COX20: variants seen among roughly 807,000 people sequenced by gnomAD.
COX20 encodes the protein cytochrome c oxidase assembly protein COX20, mitochondrial.
Under a neutral mutation model 14.3 loss-of-function variants are expected in COX20, and 14 were observed. The observed-to-expected ratio is 0.98, with a 90% CI of 0.65 to 1.53. The LOEUF is 1.53. Ranked by LOEUF, COX20 falls within the 40% of genes most tolerant of loss-of-function variation. The pLI is 0.00. For synonymous variants in COX20, 56 were observed against 51.7 expected (o/e 1.08, Z -0.36); for missense variants, 149 against 142.1 (o/e 1.05, Z -0.25).
chr1:244,835,610 G>A (rs1429289686), upstream of COX20: 1 of 878,340 alleles, frequency 1.1e-6, no homozygotes, highest in Non-Finnish European at 1.5e-6. Flanking sequence ...AACAGGGCGG[G>A]AGGCGGCGGC....
chr1:244,843,662 TTC>T lies in COX20; in HGVS notation c.*491_*492del, dbSNP rs1197794359. The stretch of plus-strand genomic sequence containing the variant: ...TAAATGCATTCATCATTTGACAGTG[TTC>T]TCTCATTTCTTAAAATGCGAGTCAT... On this transcript the variant is annotated 3_prime_UTR_variant, in exon 4 of 4. Coordinates refer to ENST00000411948, the MANE Select transcript of COX20 (RefSeq NM_198076.6). 3.9e-5 allele frequency: 6 copies of T among 152,362 alleles called. No individual in the cohort carries two copies. The highest frequency in any genetic ancestry group is 1.4e-4 in the African/African-American group (6 of 41,470). 9.4% of individuals were successfully genotyped at this position (152,362 alleles called of 1,614,324 possible).
intron 1 of COX20, 31 bp downstream of exon 1, chr1:244,835,787 CGGGTGGGCGGT>C (rs1679956352): frequency 8.1e-7 from 1 of 1,234,258 alleles, no homozygotes; most frequent in South Asian, 3.5e-5. Context: ...GCGCGCGCCG[CGGGTGGGCGGT>C]GGGTAAGGAC....
chr1:244,843,092 C>G lies in COX20; in HGVS notation c.273C>G (p.Ala91=). 1 of 1,593,464 alleles carries G rather than the reference C, an allele frequency of 6.3e-7. No homozygotes were observed. The highest frequency in any genetic ancestry group is 8.5e-7 in the Non-Finnish European group (1 of 1,172,434). The change falls in exon 4 of 4, where the codon GCC becomes GCG. Residue 91 remains alanine (A), a synonymous_variant. Coordinates refer to ENST00000411948, the MANE Select transcript of COX20 (RefSeq NM_198076.6). ...AGCAAAGAATCCAGGAAAGAATTGC[C>G]AGAGAAGAAATTAAAAAGAAGATAT... The part of the protein sequence containing the change: ...YAKQRIQERI[A]REEIKKKILY...
At position 244,843,970 on chromosome 1, in the gene COX20, A is replaced by C. The variant is rs1680320734; in HGVS notation, c.*794A>C. 1 of 152,250 alleles carries C rather than the reference A, an allele frequency of 6.6e-6. No homozygotes were observed. The highest frequency in any genetic ancestry group is 1.5e-5 in the Non-Finnish European group (1 of 68,044). 9.4% of individuals were successfully genotyped at this position (152,250 alleles called of 1,614,324 possible). A position where few individuals can be genotyped will look rare whatever the true frequency, so the allele number is the denominator to read the frequency against. On this transcript the variant is annotated 3_prime_UTR_variant, in exon 4 of 4. Coordinates refer to ENST00000411948, the MANE Select transcript of COX20 (RefSeq NM_198076.6). Reference sequence around the variant, plus strand: ...CGGGAGAAATTATCCCTTTCTAGGAAAATGAAGTTATTTCTGGTTTTAATT... The same window carrying C: ...CGGGAGAAATTATCCCTTTCTAGGACAATGAAGTTATTTCTGGTTTTAATT...
At chr1:244,842,898 A>G (rs1015895063) in intron 3 of COX20, 143 bp from the exon 4 acceptor site, 11 of 606,576 alleles carry the variant, frequency 1.8e-5, no homozygotes, top group South Asian at 2.8e-5. Context: ...CTGCCCAAAA[A>G]TAGCACTATA....
intron 3 of COX20, 22 bp downstream of exon 3, chr1:244,842,280 G>C: frequency 6.6e-7 from 1 of 1,517,034 alleles, no homozygotes; most frequent in Non-Finnish European, 9.2e-7. Context: ...AAGTATTCAA[G>C]AACATCCATG....
At position 244,844,277 on chromosome 1, in the gene COX20, C is replaced by T. The variant is rs1573319717; in HGVS notation, c.*1101C>T. 2 of 152,134 alleles carry T rather than the reference C, an allele frequency of 1.3e-5. No individual in the cohort carries two copies. Among genetic ancestry groups the T allele is most frequent in the African/African-American group, 2.4e-5 (1 of 41,442 alleles). 9.4% of individuals were successfully genotyped at this position (152,134 alleles called of 1,614,324 possible). On this transcript the variant is annotated 3_prime_UTR_variant, in exon 4 of 4. Coordinates refer to ENST00000411948, the MANE Select transcript of COX20 (RefSeq NM_198076.6). Reference sequence around the variant, plus strand: ...CATGCCCACCTTTTCTTGTGGCTGTCGCTAGGAAGGATGCAGAGGCTGTGT... The same window carrying T: ...CATGCCCACCTTTTCTTGTGGCTGTTGCTAGGAAGGATGCAGAGGCTGTGT...
At chr1:244,838,625 G>T (rs1252042604) in intron 1 of COX20, among the ~76,000 whole-genome samples, 1 of 152,188 alleles carries the variant, frequency 6.6e-6, no homozygotes, top group Non-Finnish European at 1.5e-5. Context: ...TCTTTTAGAG[G>T]TCTTGACTGG....
chr1:244,843,762 A>G lies in COX20; in HGVS notation c.*586A>G, dbSNP rs1056893662. ...ATGCAGGGTTTAAATTTTTAAGTAT[A>G]ATTAGTTCTGAATTAAAATATGCAC... On this transcript the variant is annotated 3_prime_UTR_variant, in exon 4 of 4. Coordinates refer to ENST00000411948, the MANE Select transcript of COX20 (RefSeq NM_198076.6). The G allele has an allele frequency of 6.6e-6, 1 of 152,230 alleles. No individual in the cohort carries two copies. The highest frequency in any genetic ancestry group is 1.5e-5 in the Non-Finnish European group (1 of 68,046). 9.4% of individuals were successfully genotyped at this position (152,230 alleles called of 1,614,324 possible). A position where few individuals can be genotyped will look rare whatever the true frequency, so the allele number is the denominator to read the frequency against.
At chr1:244,840,396 C>CTAG (rs1359948694) in intron 1 of COX20, 1 of 152,226 alleles carries the variant, frequency 6.6e-6, no homozygotes, top group African/African-American at 2.4e-5. Flanking sequence ...GGGAAATAGT[C>CTAG]TAGTTTAGAG....
rs1680225527 is a variant in COX20 at position 244,842,070 on chromosome 1, TA to T, written c.157+13del. ...TTTTTTGTTCACTAGTGAGTATCTG[TA>T]TTTTTTATTTCTCTATGTACTAAAA... On this transcript the variant is annotated intron_variant, in intron 2 of 3. Coordinates refer to ENST00000411948, the MANE Select transcript of COX20 (RefSeq NM_198076.6). The T allele has an allele frequency of 1.3e-6, 2 of 1,572,432 alleles. No individual in the cohort carries two copies. The highest frequency in any genetic ancestry group is 1.4e-5 in the African/African-American group (1 of 73,922).
In COX20 at chr1:244,843,605, T is replaced by G. The variant is rs1449215886; in HGVS notation, c.*429T>G. On this transcript the variant is annotated 3_prime_UTR_variant, in exon 4 of 4. Transcript: ENST00000411948. Reference sequence around the variant, plus strand: ...CTAATGTCATTGTAAGATTTAAAACTAAGGGCTTTTATCACTTTGCAAATT... The same window carrying G: ...CTAATGTCATTGTAAGATTTAAAACGAAGGGCTTTTATCACTTTGCAAATT... The G allele has an allele frequency of 6.5e-6, 1 of 153,086 alleles. No individual in the cohort carries two copies. The highest frequency in any genetic ancestry group is 6.5e-5 in the Admixed American group (1 of 15,306). The allele number at this position is 153,086 out of a possible 1,614,324, so 9.5% of individuals were successfully genotyped here. A position where few individuals can be genotyped will look rare whatever the true frequency, so the allele number is the denominator to read the frequency against.
chr1:244,842,138 G>GTA, intron 2 of COX20, 57 bp from the exon 3 acceptor site: 1 of 1,456,952 alleles, frequency 6.9e-7, no homozygotes, highest in Non-Finnish European at 9.6e-7. Context: ...TTTTCTAGGT[G>GTA]GAGTAATGTA....
rs1680245695 is a variant in COX20, at chr1:244,842,443, C to T, written c.221+185C>T. ...GAACAGATAAATGCATATTAGACATCCCATTAAAAAGAAAGCTGTGGTTTT... is the reference window on the plus strand; with the variant it reads ...GAACAGATAAATGCATATTAGACATTCCATTAAAAAGAAAGCTGTGGTTTT... On this transcript the variant is annotated intron_variant, in intron 3 of 3. Coordinates refer to ENST00000411948, the MANE Select transcript of COX20 (RefSeq NM_198076.6). The T allele has an allele frequency of 5.4e-6, 3 of 559,892 alleles. No individual in the cohort carries two copies. The East Asian group carries it at 8.6e-5, about 16-fold the overall frequency. The allele number at this position is 559,892 out of a possible 1,614,324, so 34.7% of individuals were successfully genotyped here.
chr1:244,835,764 G>A lies in COX20; in HGVS notation c.42+8G>A, dbSNP rs990876534. The A allele has an allele frequency of 8.0e-6, 10 of 1,255,214 alleles. No homozygotes were observed. Among genetic ancestry groups the A allele is most frequent in the Non-Finnish European group, 1.0e-5 (10 of 998,262 alleles). The allele number at this position is 1,255,214 out of a possible 1,614,324, so 77.8% of individuals were successfully genotyped here. A position where few individuals can be genotyped will look rare whatever the true frequency, so the allele number is the denominator to read the frequency against. ...GAGCCCGAGGAGAGGAAGGTAACCT[G>A]GGGGTCGGCGGGGCGCGCGCCGCGG... On this transcript the variant is annotated splice_region_variant and intron_variant, in intron 1 of 3. Coordinates refer to ENST00000411948, the MANE Select transcript of COX20 (RefSeq NM_198076.6).
In COX20 at chr1:244,843,156, A is replaced by T; in HGVS notation, c.337A>T (p.Asn113Tyr). Residue 113 changes from asparagine to tyrosine, a missense_variant, in exon 4 of 4, where the codon AAC becomes TAC. Physicochemically the swap from Asn to Tyr is moderately radical, Grantham distance 143. Coordinates refer to ENST00000411948, the MANE Select transcript of COX20 (RefSeq NM_198076.6). ...GTHLDPERKH[N>Y]GSSSN ...CCACCTCGATCCTGAAAGAAAACAC[A>T]ACGGCAGCAGCAGCAATTGAACAAT... is the stretch of plus-strand genomic sequence containing the variant. The T allele has an allele frequency of 6.3e-7, 1 of 1,591,320 alleles. No individual in the cohort carries two copies. Among genetic ancestry groups the T allele is most frequent in the Non-Finnish European group, 8.5e-7 (1 of 1,173,820 alleles).
In COX20 at chr1:244,844,322, C is replaced by T. The variant is rs115183386; in HGVS notation, c.*1146C>T. On this transcript the variant is annotated 3_prime_UTR_variant, in exon 4 of 4. Coordinates refer to ENST00000411948, the MANE Select transcript of COX20 (RefSeq NM_198076.6). ...CTGTGTGGTTTACCAAATGCCTTAA[C>T]TTAGCAGTGAATGACAACTGTCAAA... The T allele has an allele frequency of 1.8e-3, 271 of 152,302 alleles. 1 individual carries two copies. Among genetic ancestry groups the T allele is most frequent in the African/African-American group, 6.1e-3 (254 of 41,556 alleles). 9.4% of individuals were successfully genotyped at this position (152,302 alleles called of 1,614,324 possible).
intron 1 of COX20, chr1:244,836,536 G>A (rs998139429): frequency 7.8e-6 from 12 of 1,548,280 alleles, no homozygotes; most frequent in Non-Finnish European, 8.7e-6. Context: ...AAATGATCTT[G>A]TTTTCCTCTT....
In COX20 at chr1:244,843,365, G is replaced by A. The variant is rs1230736035; in HGVS notation, c.*189G>A. 11 of 581,672 alleles carry A rather than the reference G, an allele frequency of 1.9e-5. No individual in the cohort carries two copies. Among genetic ancestry groups the A allele is most frequent in the African/African-American group, 4.0e-5 (2 of 49,636 alleles). 36.0% of individuals were successfully genotyped at this position (581,672 alleles called of 1,614,324 possible). ...TCTACTGCCAGGATAGCATTCTTAC[G>A]TGTTACATATAGTGGACTTGTCATC... On this transcript the variant is annotated 3_prime_UTR_variant, in exon 4 of 4. Transcript: ENST00000411948.
Sources: allele counts gnomAD v4.1 joint callset (sites outside exome capture counted in the v4.1 genomes callset), GRCh38; gene constraint gnomAD v4.1.1; transcripts MANE v1.5; gene names NCBI Gene and HGNC (gene_info 2026-07-23, HGNC 2026-07-21).